Variants in LRRC3C observed in about 807,000 individuals in gnomAD.
The protein encoded by LRRC3C is leucine rich repeat containing 3C, also known as leucine-rich repeat-containing protein 3C.
Under a neutral mutation model 14.8 loss-of-function variants are expected in LRRC3C, and 11 were observed. The ratio of observed to expected loss-of-function variants is 0.74; its 90% confidence interval spans 0.47 to 1.23. The LOEUF (loss-of-function observed/expected upper bound fraction) is 1.23, where lower values mean the gene tolerates loss of function less well. Among genes scored for constraint, LRRC3C ranks in the 50% most tolerant of loss-of-function variants. The pLI, the probability that LRRC3C is intolerant of heterozygous loss-of-function variation, is 0.00. For synonymous variants in LRRC3C, 149 were observed against 161.5 expected (o/e 0.92, Z 0.59); for missense variants, 354 against 361.8 (o/e 0.98, Z 0.18).
At chr17:39,942,780 C>T (rs1289822883) in intron 3 of LRRC3C, among the ~76,000 whole-genome samples, 1 of 152,146 alleles carries the variant, frequency 6.6e-6, no homozygotes, top group African/African-American at 2.4e-5. Flanking sequence ...AAGAATGTGC[C>T]ATGGCGTGAA....
Position 39,943,980 on chromosome 17 carries a change from C to G in LRRC3C, c.74C>G (p.Thr25Arg). The change falls in exon 4 of 4, where the codon ACA becomes AGA. Residue 25 changes from threonine to arginine, a missense_variant. Transcript: ENST00000377924. ...GLCQFMAMLP[T>R]AGHLLPLLLV... The stretch of plus-strand genomic sequence containing the variant: ...TGCCAATTTATGGCCATGCTCCCAA[C>G]AGCAGGTCACCTCCTGCCCCTCCTG... 6.5e-7 allele frequency: 1 copy of G among 1,536,152 alleles called. No homozygotes were observed. The highest frequency in any genetic ancestry group is 8.7e-7 in the Non-Finnish European group (1 of 1,146,902).
At chr17:39,939,507 A>C in intron 2 of LRRC3C, 4 of 654,184 alleles carry the variant, frequency 6.1e-6, no homozygotes, top group Non-Finnish European at 7.6e-6. Flanking sequence ...ATTTTAATGT[A>C]ATTGGTCCAG....
intron 2 of LRRC3C, among the ~76,000 whole-genome samples, chr17:39,940,946 A>G (rs914405752): frequency 1.3e-5 from 2 of 151,870 alleles, no homozygotes; most frequent in Non-Finnish European, 2.9e-5. Context: ...GTTTCGCCAC[A>G]TTGGCCAGGC....
At chr17:39,943,858 G>A (rs1978999589) in intron 3 of LRRC3C, 75 bp from the exon 4 acceptor site, 36 of 1,450,380 alleles carry the variant, frequency 2.5e-5, no homozygotes, top group Non-Finnish European at 3.0e-5. Context: ...GAGGGACCTC[G>A]GGAGGAGAAA....
intron 3 of LRRC3C, among the ~76,000 whole-genome samples, chr17:39,941,889 A>G (rs1478521350): frequency 1.3e-5 from 2 of 152,134 alleles, no homozygotes; most frequent in East Asian, 3.9e-4. Context: ...TTTGAGCTCT[A>G]TCAATCATTG....
chr17:39,928,220 A>G (rs1478023043), intron 1 of LRRC3C, among the ~76,000 whole-genome samples: 1 of 152,248 alleles, frequency 6.6e-6, no homozygotes, highest in Non-Finnish European at 1.5e-5. Flanking sequence ...AGAAGAGGCT[A>G]CGTATCATAG....
At chr17:39,943,181 A>G (rs776680482) in intron 3 of LRRC3C, among the ~76,000 whole-genome samples, 1 of 152,162 alleles carries the variant, frequency 6.6e-6, no homozygotes, top group Non-Finnish European at 1.5e-5. Flanking sequence ...CCAGCCCCCA[A>G]CTTCCAGCAG....
At chr17:39,934,212 C>G (rs1401544543) in intron 1 of LRRC3C, among the ~76,000 whole-genome samples, 1 of 152,194 alleles carries the variant, frequency 6.6e-6, no homozygotes, top group Non-Finnish European at 1.5e-5. Flanking sequence ...CCTGGGGAAC[C>G]AAGTGCAGGG....
At chr17:39,936,540 C>T (rs1433547734) in intron 2 of LRRC3C, among the ~76,000 whole-genome samples, 10 of 151,886 alleles carry the variant, frequency 6.6e-5, no homozygotes, top group African/African-American at 2.2e-4. Context: ...CGGTGGCTCA[C>T]GCTTGTAATC....
intron 1 of LRRC3C, 68 bp downstream of exon 1, chr17:39,927,882 A>G: frequency 1.0e-6 from 1 of 984,816 alleles, no homozygotes; most frequent in Non-Finnish European, 1.2e-6. Context: ...CCAGTTTTGC[A>G]GATGAGGAGA....
intron 1 of LRRC3C, among the ~76,000 whole-genome samples, chr17:39,930,309 GA>G (rs1978611729): frequency 8.0e-6 from 1 of 124,804 alleles, no homozygotes; most frequent in Non-Finnish European, 1.7e-5. Context: ...GGAAAAAAAA[GA>G]GGGGGAGAGA....
At chr17:39,933,575 A>G (rs1180272291) in intron 1 of LRRC3C, among the ~76,000 whole-genome samples, 1 of 152,150 alleles carries the variant, frequency 6.6e-6, no homozygotes, top group East Asian at 1.9e-4. Context: ...TCCACTAAAA[A>G]TACAAAAATT....
chr17:39,941,667 G>A, intron 3 of LRRC3C, 118 bp downstream of exon 3: 1 of 871,808 alleles, frequency 1.1e-6, no homozygotes, highest in African/African-American at 1.7e-5. Flanking sequence ...GTACCATCAG[G>A]CTCAACGTGC....
chr17:39,943,621 G>A (rs1294533408), intron 3 of LRRC3C, among the ~76,000 whole-genome samples: 2 of 152,148 alleles, frequency 1.3e-5, no homozygotes, highest in African/African-American at 4.8e-5. Flanking sequence ...CATGGACAGA[G>A]GCAGAAACTT....
intron 2 of LRRC3C, among the ~76,000 whole-genome samples, chr17:39,938,684 A>G (rs763129500): frequency 6.6e-6 from 1 of 151,960 alleles, no homozygotes; most frequent in Non-Finnish European, 1.5e-5. Context: ...CAACACAGTG[A>G]GACCCTCTCT....
intron 1 of LRRC3C, among the ~76,000 whole-genome samples, chr17:39,932,987 G>A (rs1568116815): frequency 6.6e-6 from 1 of 152,054 alleles, no homozygotes; most frequent in South Asian, 2.1e-4. Context: ...GGGAGGCGGA[G>A]GCTGCAGAGA....
chr17:39,935,742 C>G, intron 1 of LRRC3C, 60 bp from the exon 2 acceptor site: 1 of 770,456 alleles, frequency 1.3e-6, no homozygotes, highest in Non-Finnish European at 1.6e-6. Flanking sequence ...GTAAATGAGA[C>G]AGTATCTCCA....
chr17:39,942,320 A>G (rs1478794027), intron 3 of LRRC3C, among the ~76,000 whole-genome samples: 1 of 152,066 alleles, frequency 6.6e-6, no homozygotes. Context: ...CCTTCCCACT[A>G]CCCAGTGAAC....
In LRRC3C at chr17:39,937,585, C is replaced by G. The variant is rs552696777; in HGVS notation, c.-82+1691C>G. Among the ~76,000 whole-genome samples the G allele has an allele frequency of 6.0e-4, 91 of 152,384 alleles. 1 individual carries two copies. Among genetic ancestry groups the G allele is most frequent in the African/African-American group, 1.7e-3 (71 of 41,598 alleles). On this transcript the variant is annotated intron_variant, in intron 2 of 3. Transcript: ENST00000377924. ...TTACCCCTGGCCTTTGCCACCACCC[C>G]CTCCATCCACGCAGTGATCTGGAAG...
Sources: allele counts gnomAD v4.1 joint callset (sites outside exome capture counted in the v4.1 genomes callset), GRCh38; gene constraint gnomAD v4.1.1; transcripts MANE v1.5; gene names NCBI Gene and HGNC (gene_info 2026-07-23, HGNC 2026-07-21).